Variants in KCNQ5 observed in about 807,000 individuals in gnomAD.
The protein encoded by KCNQ5 is potassium voltage-gated channel subfamily Q member 5.
Under a neutral mutation model 98.2 loss-of-function variants are expected in KCNQ5, and 30 were observed. That is an observed-to-expected ratio of 0.31 (90% CI 0.23 to 0.41). The LOEUF is 0.41. Ranked by LOEUF, KCNQ5 falls within the 10% of genes least tolerant of loss-of-function variation. KCNQ5 has a pLI of 1.00. For synonymous variants in KCNQ5, 458 were observed against 449.4 expected (o/e 1.02, Z -0.24); for missense variants, 835 against 1,182.5 (o/e 0.71, Z 4.31).
intron 1 of KCNQ5, among the ~76,000 whole-genome samples, chr6:73,002,683 G>T (rs1389109219): frequency 1.3e-5 from 2 of 152,018 alleles, no homozygotes; most frequent in Non-Finnish European, 2.9e-5. Flanking sequence ...CATTTCTGTG[G>T]GCCTTACTGA....
At chr6:73,107,051 A>G (rs1450207517) in intron 6 of KCNQ5, among the ~76,000 whole-genome samples, 2 of 152,232 alleles carry the variant, frequency 1.3e-5, no homozygotes, top group African/African-American at 2.4e-5. Flanking sequence ...GATTCACTCA[A>G]TAATCAGATT....
intron 2 of KCNQ5, 101 bp downstream of exon 2, chr6:73,004,099 A>G (rs1159511462): frequency 6.1e-6 from 4 of 655,976 alleles, no homozygotes; most frequent in East Asian, 2.6e-5. Flanking sequence ...CTATCTAAAA[A>G]AGAGTTACTG....
chr6:73,144,856 C>T (rs1314939310), intron 10 of KCNQ5, among the ~76,000 whole-genome samples: 2 of 151,164 alleles, frequency 1.3e-5, no homozygotes, highest in Admixed American at 6.6e-5. Flanking sequence ...AAGAGCAGTA[C>T]ATTGATATCT....
At chr6:72,706,285 G>A (rs1308967120) in intron 1 of KCNQ5, among the ~76,000 whole-genome samples, 1 of 151,662 alleles carries the variant, frequency 6.6e-6, no homozygotes. Flanking sequence ...GAAGTGGAAA[G>A]GATGTTTTCT....
At chr6:73,174,927 G>A (rs79018650) in intron 11 of KCNQ5, among the ~76,000 whole-genome samples, 8,033 of 152,198 alleles carry the variant, frequency 0.053, 262 homozygotes, top group East Asian at 0.1. Flanking sequence ...TCCACTGCCC[G>A]TCCTCTGCTC....
At chr6:72,906,951 T>G (rs1191489980) in intron 1 of KCNQ5, among the ~76,000 whole-genome samples, 1 of 152,212 alleles carries the variant, frequency 6.6e-6, no homozygotes, top group African/African-American at 2.4e-5. Context: ...TTCTGAAGTT[T>G]TCTGATTATG....
At chr6:72,649,299 A>T (rs1444714896) in intron 1 of KCNQ5, among the ~76,000 whole-genome samples, 1 of 152,188 alleles carries the variant, frequency 6.6e-6, no homozygotes, top group East Asian at 1.9e-4. Flanking sequence ...CCTTAAACAG[A>T]CATGCACGTG....
chr6:73,015,878 C>T (rs1038345571), intron 2 of KCNQ5, among the ~76,000 whole-genome samples: 26 of 152,146 alleles, frequency 1.7e-4, no homozygotes, highest in African/African-American at 6.3e-4. Context: ...CCTCCTCCTT[C>T]CTGAAATAAA....
intron 1 of KCNQ5, among the ~76,000 whole-genome samples, chr6:72,785,103 C>T (rs1773668624): frequency 6.6e-6 from 1 of 152,164 alleles, no homozygotes; most frequent in Admixed American, 6.5e-5. Flanking sequence ...ACTTGCTTGG[C>T]TTTCATTTAG....
intron 5 of KCNQ5, among the ~76,000 whole-genome samples, chr6:73,086,130 C>A (rs1305403337): frequency 6.6e-6 from 1 of 152,034 alleles, no homozygotes; most frequent in African/African-American, 2.4e-5. Flanking sequence ...CTGTAAAGTT[C>A]TACTACATAT....
intron 1 of KCNQ5, among the ~76,000 whole-genome samples, chr6:72,961,948 G>A (rs1029898091): frequency 6.6e-5 from 10 of 151,728 alleles, no homozygotes; most frequent in African/African-American, 2.4e-4. Flanking sequence ...AGGCCAAGGC[G>A]GGCAGATCCC....
chr6:72,742,125 A>T (rs895373420), intron 1 of KCNQ5, among the ~76,000 whole-genome samples: 7 of 152,194 alleles, frequency 4.6e-5, no homozygotes, highest in African/African-American at 1.7e-4. Flanking sequence ...CTTAGTTATC[A>T]AGTATTCTAG....
intron 9 of KCNQ5, among the ~76,000 whole-genome samples, chr6:73,126,240 A>G (rs1361787907): frequency 1.3e-5 from 2 of 152,196 alleles, no homozygotes; most frequent in African/African-American, 4.8e-5. Flanking sequence ...TTCCAGAGCT[A>G]CCTGAGAGTG....
chr6:73,125,560 G>A (rs2150446241), intron 9 of KCNQ5: 1 of 492,934 alleles, frequency 2.0e-6, no homozygotes, highest in African/African-American at 1.9e-5. Context: ...CCCAGGGATT[G>A]TTCTTTTAGC....
chr6:72,718,612 G>A (rs1025270372), intron 1 of KCNQ5, among the ~76,000 whole-genome samples: 2 of 151,672 alleles, frequency 1.3e-5, no homozygotes, highest in African/African-American at 4.8e-5. Context: ...CACCATGCCT[G>A]GCTAATTTTT....
At chr6:72,848,033 A>G (rs1777089560) in intron 1 of KCNQ5, among the ~76,000 whole-genome samples, 1 of 151,958 alleles carries the variant, frequency 6.6e-6, no homozygotes, top group African/African-American at 2.4e-5. Context: ...AAAAACTCCC[A>G]ATGAAAAGCA....
At chr6:72,963,107 G>A (rs1767452948) in intron 1 of KCNQ5, among the ~76,000 whole-genome samples, 1 of 152,160 alleles carries the variant, frequency 6.6e-6, no homozygotes, top group Non-Finnish European at 1.5e-5. Flanking sequence ...AAAACATTCT[G>A]CAGTTGGTTG....
chr6:72,922,701 C>A, intron 1 of KCNQ5, among the ~76,000 whole-genome samples: 1 of 151,916 alleles, frequency 6.6e-6, no homozygotes, highest in Non-Finnish European at 1.5e-5. Flanking sequence ...ACATAGTGTC[C>A]TCCAGTTTCA....
At chr6:72,706,953 G>A (rs1012557550) in intron 1 of KCNQ5, among the ~76,000 whole-genome samples, 3 of 152,018 alleles carry the variant, frequency 2.0e-5, no homozygotes, top group African/African-American at 4.8e-5. Flanking sequence ...CATTCTACCA[G>A]TATTATACTT....
Sources: gnomAD v4.1 joint callset for allele counts (sites outside exome capture counted in the v4.1 genomes callset) on GRCh38, gnomAD v4.1.1 for gene constraint, MANE v1.5 for transcripts, NCBI Gene and HGNC (gene_info 2026-07-23, HGNC 2026-07-21) for gene names.